Variants in RCOR1 observed in about 807,000 individuals in gnomAD.
RCOR1 encodes REST corepressor.
In RCOR1, 12 loss-of-function variants were observed where a neutral mutation model predicts 64.0. The observed-to-expected ratio is 0.19, with a 90% confidence interval of 0.12 to 0.30. The LOEUF is 0.30. Ranked by LOEUF, RCOR1 falls within the 10% of genes least tolerant of loss-of-function variation. The pLI, the probability that RCOR1 is intolerant of heterozygous loss-of-function variation, is 1.00. For missense variants in RCOR1, 502 were observed against 621.2 expected, an observed-to-expected ratio of 0.81 and a Z score of 2.04; for synonymous variants, 279 against 227.2, an observed-to-expected ratio of 1.23 and a Z score of -2.05.
chr14:102,593,251 C>T lies in RCOR1; in HGVS notation c.302-15C>T, dbSNP rs747308951. ...CCCGCGCCGCGCTGACCGCCGTATT[C>T]TGCTTCCCCCGCAGGTGGCGGTGGC... On this transcript the variant is annotated splice_polypyrimidine_tract_variant and intron_variant, in intron 1 of 11. Transcript: ENST00000262241. The T allele has an allele frequency of 2.0e-6, 3 of 1,513,666 alleles. No homozygotes were observed. The highest frequency in any genetic ancestry group is 1.8e-6 in the Non-Finnish European group (2 of 1,135,770). 93.8% of individuals were successfully genotyped at this position (1,513,666 alleles called of 1,614,324 possible). A position where few individuals can be genotyped will look rare whatever the true frequency, so the allele number is the denominator to read the frequency against.
intron 2 of RCOR1, among the ~76,000 whole-genome samples, chr14:102,669,920 G>C (rs996744417): frequency 3.3e-5 from 5 of 152,096 alleles, no homozygotes; most frequent in Non-Finnish European, 7.4e-5. Flanking sequence ...TATATTGAAA[G>C]TATGGGTGGC....
intron 2 of RCOR1, among the ~76,000 whole-genome samples, chr14:102,625,692 C>T (rs1459458383): frequency 6.6e-6 from 1 of 152,126 alleles, no homozygotes; most frequent in East Asian, 1.9e-4. Flanking sequence ...TTCCTTCAAA[C>T]AGATGTTAAT....
At chr14:102,593,521 G>C (rs1351404546) in intron 2 of RCOR1, among the ~76,000 whole-genome samples, 196 bp downstream of exon 2, 1 of 152,224 alleles carries the variant, frequency 6.6e-6, no homozygotes, top group African/African-American at 2.4e-5. Context: ...CTGCACCCGG[G>C]GGAGGCCAGG....
chr14:102,683,236 C>T (rs758473623), intron 3 of RCOR1, among the ~76,000 whole-genome samples: 1 of 152,080 alleles, frequency 6.6e-6, no homozygotes, highest in Non-Finnish European at 1.5e-5. Flanking sequence ...AAAAACTAAC[C>T]TGTCCACTGA....
chr14:102,647,472 A>G (rs1894500141), intron 2 of RCOR1, among the ~76,000 whole-genome samples: 4 of 151,908 alleles, frequency 2.6e-5, no homozygotes, highest in Admixed American at 6.6e-5. Flanking sequence ...GTGGACCACC[A>G]TGCTTGGCTA....
Position 102,697,032 on chromosome 14 carries a change from T to C in RCOR1, c.446-4246T>C, listed in dbSNP as rs200453409. On this transcript the variant is annotated intron_variant, in intron 3 of 11. Coordinates refer to ENST00000262241, the MANE Select transcript of RCOR1 (RefSeq NM_015156.4). ...ATAGCATCAGGGATTCTGAAAAGTA[T>C]GGCAGCTATGCATGTCCCTTGATTA... Among the ~76,000 whole-genome samples, 4 of 152,302 alleles carry C rather than the reference T, an allele frequency of 2.6e-5. No homozygotes were observed. In the East Asian group the frequency reaches 7.7e-4, roughly 29 times the overall value.
rs758042583 is a variant in RCOR1 at position 102,623,008 on chromosome 14, G to A, written c.361+29683G>A. Among the ~76,000 whole-genome samples the A allele has an allele frequency of 4.6e-5, 7 of 152,046 alleles. No individual in the cohort carries two copies. In the South Asian group the frequency reaches 6.2e-4, roughly 14 times the overall value. On this transcript the variant is annotated intron_variant, in intron 2 of 11. Transcript: ENST00000262241. ...AGCTATGCCAGTTTTCTTTTTGTTCGTGTTTGAATGGCATCTTTTTCTGTC... is the reference window on the plus strand; with the variant it reads ...AGCTATGCCAGTTTTCTTTTTGTTCATGTTTGAATGGCATCTTTTTCTGTC...
chr14:102,621,224 G>GTGAGATGAT (rs566148294), intron 2 of RCOR1, among the ~76,000 whole-genome samples: 1,713 of 152,178 alleles, frequency 0.011, 10 homozygotes, highest in Non-Finnish European at 0.017. Context: ...CTCTCACCTT[G>GTGAGATGAT]GCCTCCCAGT....
chr14:102,699,288 C>A (rs1242280579), intron 3 of RCOR1, among the ~76,000 whole-genome samples: 1 of 152,194 alleles, frequency 6.6e-6, no homozygotes, highest in African/African-American at 2.4e-5. Context: ...TTACTGTAAT[C>A]TGAGTGAAGT....
Position 102,728,507 on chromosome 14 carries a change from A to G in RCOR1, c.*2001A>G, listed in dbSNP as rs1207339822. ...CTTTAGGTTCTCCGTGCTTCCCTCA[A>G]GACCTCCTTCTTGCTAACAGAAGCA... On this transcript the variant is annotated 3_prime_UTR_variant, in exon 12 of 12. Coordinates refer to ENST00000262241, the MANE Select transcript of RCOR1 (RefSeq NM_015156.4). The G allele has an allele frequency of 6.6e-6, 1 of 152,220 alleles. No homozygotes were observed. The highest frequency in any genetic ancestry group is 1.5e-5 in the Non-Finnish European group (1 of 68,050). The allele number at this position is 152,220 out of a possible 1,614,324, so 9.4% of individuals were successfully genotyped here.
At position 102,710,867 on chromosome 14, in the gene RCOR1, C is replaced by G. The variant is rs574638974; in HGVS notation, c.780-68C>G. Reference sequence around the variant, plus strand: ...ATTAGTACAAAATTTTCAGTTAAATCAATTTATCGTTTGTATTCGGAAAAT... The same window carrying G: ...ATTAGTACAAAATTTTCAGTTAAATGAATTTATCGTTTGTATTCGGAAAAT... On this transcript the variant is annotated intron_variant, in intron 6 of 11. Coordinates refer to ENST00000262241, the MANE Select transcript of RCOR1 (RefSeq NM_015156.4). 3.9e-5 allele frequency: 42 copies of G among 1,078,850 alleles called. No homozygotes were observed. The African/African-American group carries it at 5.4e-4, about 14-fold the overall frequency. 66.8% of individuals were successfully genotyped at this position (1,078,850 alleles called of 1,614,324 possible).
At chr14:102,681,805 G>T (rs1003074781) in intron 2 of RCOR1, 90 bp from the exon 3 acceptor site, 3 of 900,602 alleles carry the variant, frequency 3.3e-6, no homozygotes, top group Non-Finnish European at 5.3e-6. Flanking sequence ...CAGGTAAAAA[G>T]GTGGGTGATG....
intron 2 of RCOR1, among the ~76,000 whole-genome samples, chr14:102,626,280 C>T (rs935400359): frequency 7.2e-5 from 11 of 152,104 alleles, no homozygotes; most frequent in Non-Finnish European, 1.2e-4. Context: ...TCTCATTCCC[C>T]GGAAAATAGA....
At chr14:102,632,882 G>T (rs1361003556) in intron 2 of RCOR1, among the ~76,000 whole-genome samples, 2 of 149,776 alleles carry the variant, frequency 1.3e-5, no homozygotes, top group Non-Finnish European at 3.0e-5. Flanking sequence ...AGTGATTATA[G>T]CCCCCTGCAG....
chr14:102,595,914 A>G (rs1893232916), intron 2 of RCOR1, among the ~76,000 whole-genome samples: 1 of 151,836 alleles, frequency 6.6e-6, no homozygotes, highest in African/African-American at 2.4e-5. Flanking sequence ...TTTAATCTGG[A>G]AAGGAATCTA....
chr14:102,710,912 A>G (rs1325860134), intron 6 of RCOR1, 23 bp from the exon 7 acceptor site: 1 of 1,529,386 alleles, frequency 6.5e-7, no homozygotes, highest in Non-Finnish European at 9.0e-7. Flanking sequence ...ATAATCATTC[A>G]GTAACTTGTT....
chr14:102,679,639 C>T (rs189355908), intron 2 of RCOR1, among the ~76,000 whole-genome samples: 5 of 152,184 alleles, frequency 3.3e-5, no homozygotes, highest in South Asian at 4.1e-4. Context: ...CCACCACGCC[C>T]GGCTAATTTT....
chr14:102,595,391 A>AC (rs1234643380), intron 2 of RCOR1, among the ~76,000 whole-genome samples: 1 of 151,948 alleles, frequency 6.6e-6, no homozygotes, highest in African/African-American at 2.4e-5. Flanking sequence ...AGTTTCAGCT[A>AC]CGGGGGGGTC....
In RCOR1 at chr14:102,617,976, T is replaced by C. The variant is rs533874208; in HGVS notation, c.361+24651T>C. 2.1e-3 allele frequency among the ~76,000 whole-genome samples: 317 copies of C among 148,750 alleles called. 3 individuals carry two copies. The highest frequency in any genetic ancestry group is 2.9e-3 in the Non-Finnish European group (192 of 66,854). ...ACATAAGTTTCTTTTTTTTTTCTTT[T>C]TTTTTTTTTTTTGTGAGACAGAGTC... On this transcript the variant is annotated intron_variant, in intron 2 of 11. Transcript: ENST00000262241.
Sources: allele counts gnomAD v4.1 joint callset (sites outside exome capture counted in the v4.1 genomes callset), GRCh38; gene constraint gnomAD v4.1.1; transcripts MANE v1.5; gene names NCBI Gene and HGNC (gene_info 2026-07-23, HGNC 2026-07-21).